The following CLIP3 variants were observed in gnomAD, a reference collection of about 807,000 sequenced individuals.
The protein encoded by CLIP3 is CAP-Gly domain containing linker protein 3.
A neutral mutation model predicts 59.4 loss-of-function variants in CLIP3; 15 were observed. The observed-to-expected ratio is 0.25, with a 90% CI of 0.17 to 0.39. The LOEUF (loss-of-function observed/expected upper bound fraction) is 0.39. Among genes scored for constraint, CLIP3 ranks in the 10% least tolerant of loss-of-function variants. The pLI, the probability that CLIP3 is intolerant of heterozygous loss-of-function variation, is 1.00. For synonymous variants in CLIP3, 300 were observed against 321.6 expected, an observed-to-expected ratio of 0.93 and a Z score of 0.72; for missense variants, 495 against 765.7, an observed-to-expected ratio of 0.65 and a Z score of 4.17.
chr19:36,015,958 T>A lies in CLIP3; in HGVS notation c.*200A>T. The A allele has an allele frequency of 1.6e-6, 1 of 620,586 alleles. No homozygotes were observed. Among genetic ancestry groups the A allele is most frequent in the African/African-American group, 1.8e-5 (1 of 54,510 alleles). The allele number at this position is 620,586 out of a possible 1,614,324, so 38.4% of individuals were successfully genotyped here. ...AGGTGCTACTCAGGGAATCTCTTTC[T>A]GGGTGACATGGGGTCTGTATTTGGG... is the stretch of plus-strand genomic sequence containing the variant. On this transcript the variant is annotated 3_prime_UTR_variant, in exon 14 of 14. Coordinates refer to ENST00000360535, the MANE Select transcript of CLIP3 (RefSeq NM_015526.3).
intron 2 of CLIP3, among the ~76,000 whole-genome samples, chr19:36,030,265 C>A (rs1969221178): frequency 6.6e-6 from 1 of 152,158 alleles, no homozygotes; most frequent in Non-Finnish European, 1.5e-5. Context: ...ATTGCCCAGG[C>A]TGATCTCGAA....
At chr19:36,028,095 T>G (rs1167565194) in intron 2 of CLIP3, among the ~76,000 whole-genome samples, 2 of 151,758 alleles carry the variant, frequency 1.3e-5, no homozygotes, top group Non-Finnish European at 2.9e-5. Context: ...CCAGCACTTT[T>G]GGAGGCCGGG....
Position 36,016,392 on chromosome 19 carries a change from G to C in CLIP3, c.1590-180C>G, listed in dbSNP as rs1202894344. 2.6e-5 allele frequency among the ~76,000 whole-genome samples: 4 copies of C among 152,224 alleles called. No homozygotes were observed. The highest frequency in any genetic ancestry group is 2.6e-4 in the Admixed American group (4 of 15,284). On this transcript the variant is annotated intron_variant, in intron 13 of 13. Transcript: ENST00000360535. The surrounding 1 kb of genome is among the most constrained non-coding windows in gnomAD (Gnocchi z 4.1). Reference sequence around the variant, plus strand: ...AGATGGAGTCTCACTCTGTCACCCAGGCTGGAGTGCCATGGCACGATCTCG... The same window carrying C: ...AGATGGAGTCTCACTCTGTCACCCACGCTGGAGTGCCATGGCACGATCTCG...
chr19:36,028,754 A>T (rs1969180198), intron 2 of CLIP3, among the ~76,000 whole-genome samples: 1 of 152,012 alleles, frequency 6.6e-6, no homozygotes. Context: ...CTCAGTTCTC[A>T]GCCCTCTCCC....
At chr19:36,031,008 C>CTTTTTTTTTTTTTTCTTTTTTTT (rs1196286069) in intron 2 of CLIP3, among the ~76,000 whole-genome samples, 4 of 77,836 alleles carry the variant, frequency 5.1e-5, no homozygotes, top group Non-Finnish European at 9.3e-5. Flanking sequence ...TTTTTCTTTT[C>CTTTTTTTTTTTTTTCTTTTTTTT]TTTTTTTTTT....
chr19:36,026,421 A>C lies in CLIP3; in HGVS notation c.563-156T>G, dbSNP rs1969109956. On this transcript the variant is annotated intron_variant, in intron 5 of 13. Coordinates refer to ENST00000360535, the MANE Select transcript of CLIP3 (RefSeq NM_015526.3). This position sits in a 1 kb window ranked among gnomAD's most constrained non-coding sequence, Gnocchi z 6.3. The stretch of plus-strand genomic sequence containing the variant: ...GCCCCCCTCTCCCTTGGCAGCCCCG[A>C]CCCTCCCTAGAGTGGTAGTCCCTGA... 8.3e-6 allele frequency among the ~76,000 whole-genome samples: 1 copy of C among 120,204 alleles called. No individual in the cohort carries two copies. The highest frequency in any genetic ancestry group is 1.7e-5 in the Non-Finnish European group (1 of 57,432). The allele number at this position is 120,204 out of a possible 152,430, so 78.9% of individuals were successfully genotyped here.
intron 7 of CLIP3, among the ~76,000 whole-genome samples, chr19:36,020,268 T>TA (rs930730187): frequency 1.1e-3 from 154 of 145,604 alleles, no homozygotes; most frequent in African/African-American, 3.8e-3. Context: ...AATAAATACA[T>TA]ACCTTAGAAA....
chr19:36,022,710 C>T (rs553925371), intron 7 of CLIP3, among the ~76,000 whole-genome samples: 33 of 151,948 alleles, frequency 2.2e-4, no homozygotes, highest in African/African-American at 7.5e-4. Context: ...CGCTTGAGGG[C>T]AGGAGTTTGA....
chr19:36,032,250 C>T lies in CLIP3; in HGVS notation c.108G>A (p.Glu36=). The change falls in exon 2 of 14, where the codon GAG becomes GAA. Residue 36 remains glutamate (E), a synonymous_variant. Coordinates refer to ENST00000360535, the MANE Select transcript of CLIP3 (RefSeq NM_015526.3). This position sits in a 1 kb window ranked among gnomAD's most constrained non-coding sequence, Gnocchi z 4.3. ...GGTGCACAACAGGCTTCTGCCGGCGCTCCTGGGTGGGGCTGGGGGCCTCGG... is the reference window on the plus strand; with the variant it reads ...GGTGCACAACAGGCTTCTGCCGGCGTTCCTGGGTGGGGCTGGGGGCCTCGG... ...PVPEAPSPTQ[E]RRQKPVVHPS... The T allele has an allele frequency of 7.7e-7, 1 of 1,306,594 alleles. No individual in the cohort carries two copies. Among genetic ancestry groups the T allele is most frequent in the Non-Finnish European group, 9.8e-7 (1 of 1,018,162 alleles). The allele number at this position is 1,306,594 out of a possible 1,614,324, so 80.9% of individuals were successfully genotyped here.
intron 2 of CLIP3, among the ~76,000 whole-genome samples, chr19:36,029,324 T>A (rs930229867): frequency 9.7e-4 from 92 of 94,866 alleles, no homozygotes; most frequent in Middle Eastern, 0.012. Flanking sequence ...AAAAAAAAAA[T>A]AGGGTCTGTT....
rs1568539075 is a variant in CLIP3, at chr19:36,017,442, C to T, written c.1460G>A (p.Gly487Glu). The change falls in exon 12 of 14, where the codon GGA (glycine) becomes GAA (glutamate). Residue 487 changes from glycine (G) to glutamate (E), a missense_variant. Coordinates refer to ENST00000360535, the MANE Select transcript of CLIP3 (RefSeq NM_015526.3). ...APASRIQRIGGSTDSPGDSVG... is the reference protein window; with the variant it reads ...APASRIQRIGESTDSPGDSVG... ...GCTGTCCCCGGGGGAATCAGTGGAT[C>T]CGCCAATCCTGAGGAGACACGGGGA... The T allele has an allele frequency of 6.2e-7, 1 of 1,614,134 alleles. No individual in the cohort carries two copies. Among genetic ancestry groups the T allele is most frequent in the Non-Finnish European group, 8.5e-7 (1 of 1,180,034 alleles).
chr19:36,031,023 C>CTTTTTTTTTTTTTTTTTTTTTTT (rs55762943), intron 2 of CLIP3, among the ~76,000 whole-genome samples: 10 of 80,178 alleles, frequency 1.2e-4, no homozygotes, highest in East Asian at 8.7e-4. Flanking sequence ...TTTTTTTTTT[C>CTTTTTTTTTTTTTTTTTTTTTTT]TTTTTTTTTT....
At chr19:36,031,008 CTTTTTTTTTTT>C in intron 2 of CLIP3, among the ~76,000 whole-genome samples, 1 of 77,856 alleles carries the variant, frequency 1.3e-5, no homozygotes, top group East Asian at 3.4e-4. Context: ...TTTTTCTTTT[CTTTTTTTTTTT>C]TTTCTTTTTT....
In CLIP3 at chr19:36,017,691, C is replaced by G. The variant is rs200246154; in HGVS notation, c.1415G>C (p.Arg472Thr). 3.1e-6 allele frequency: 5 copies of G among 1,613,982 alleles called. No homozygotes were observed. In the East Asian group the frequency reaches 1.1e-4, roughly 36 times the overall value. The change falls in exon 11 of 14, where the codon AGG becomes ACG. Residue 472 changes from arginine (R) to threonine (T), a missense_variant. By Grantham distance (71) the Arg-to-Thr change is moderately conservative (BLOSUM62 -1). Around this residue, in one of 5 missense-constraint regions of CLIP3, gnomAD observed 179 missense variants for 226.2 expected, o/e 0.79. Transcript: ENST00000360535. ...GGATGCTGGTGCGAAGACCCCATGC[C>G]TCGGGGGGCAAGTGAAGTACCGGAC... ...FGVRYFTCPPRHGVFAPASRI... is the reference protein window; with the variant it reads ...FGVRYFTCPPTHGVFAPASRI...
At chr19:36,029,916 G>C (rs1969213185) in intron 2 of CLIP3, among the ~76,000 whole-genome samples, 1 of 152,098 alleles carries the variant, frequency 6.6e-6, no homozygotes. Context: ...AAGCAAGACT[G>C]CTTGGAGGGC....
intron 7 of CLIP3, among the ~76,000 whole-genome samples, chr19:36,022,644 G>A (rs1410325022): frequency 2.0e-5 from 3 of 152,166 alleles, no homozygotes; most frequent in East Asian, 1.9e-4. Flanking sequence ...GGATGGGGCC[G>A]GGCGCAGTGG....
chr19:36,018,769 G>T, intron 9 of CLIP3, 129 bp downstream of exon 9: 1 of 1,271,090 alleles, frequency 7.9e-7, no homozygotes, highest in Non-Finnish European at 1.1e-6. Flanking sequence ...AGTCACAGAA[G>T]TCAGGAACTC....
At chr19:36,029,937 CCCTCCGA>C (rs1197225078) in intron 2 of CLIP3, among the ~76,000 whole-genome samples, 3 of 152,178 alleles carry the variant, frequency 2.0e-5, no homozygotes, top group Non-Finnish European at 4.4e-5. Flanking sequence ...TCAGCCTATA[CCCTCCGA>C]CCTCCCACTG....
At chr19:36,024,333 A>G in intron 7 of CLIP3, 63 bp downstream of exon 7, 1 of 1,439,160 alleles carries the variant, frequency 6.9e-7, no homozygotes. Flanking sequence ...ACGCAGCTCC[A>G]AGGGATTAAG....
Sources: gnomAD v4.1 joint callset for allele counts (sites outside exome capture counted in the v4.1 genomes callset) on GRCh38, gnomAD v4.1.1 for gene constraint, gnomAD v4.1.1 regional missense constraint, Gnocchi (gnomAD v3.1) non-coding constraint, MANE v1.5 for transcripts, NCBI Gene and HGNC (gene_info 2026-07-23, HGNC 2026-07-21) for gene names.